Variants in TLK1 observed in about 807,000 individuals in gnomAD.
TLK1 encodes the protein tousled like kinase 1.
TLK1 carries 24 observed loss-of-function variants against 105.3 expected under a neutral mutation model. The observed-to-expected ratio is 0.23, with a 90% confidence interval of 0.17 to 0.32. The LOEUF is 0.32. TLK1 is among the 10% of genes least tolerant of loss of function. The pLI, the probability that TLK1 is intolerant of heterozygous loss-of-function variation, is 1.00. For synonymous variants in TLK1, 321 were observed against 310.4 expected (o/e 1.03, Z -0.36); for missense variants, 558 against 910.5 (o/e 0.61, Z 4.98).
intron 1 of TLK1, among the ~76,000 whole-genome samples, chr2:171,192,438 GGGA>G (rs1250768031): frequency 6.6e-6 from 1 of 152,198 alleles, no homozygotes; most frequent in Non-Finnish European, 1.5e-5. Context: ...CCAGCACTTT[GGGA>G]GGCCGAGGCG....
At chr2:171,206,297 G>A (rs1268607196) in intron 1 of TLK1, among the ~76,000 whole-genome samples, 1 of 152,144 alleles carries the variant, frequency 6.6e-6, no homozygotes, top group African/African-American at 2.4e-5. Context: ...AATAAAATAT[G>A]GCATGCGTTT....
At chr2:171,097,749 T>C (rs1431836204) in intron 2 of TLK1, among the ~76,000 whole-genome samples, 1 of 151,916 alleles carries the variant, frequency 6.6e-6, no homozygotes, top group East Asian at 1.9e-4. Flanking sequence ...CATGGTGAAA[T>C]GACATCTCTA....
At chr2:171,003,273 C>CAAAAAAAAAAAAAAAAA (rs777049271) in intron 18 of TLK1, among the ~76,000 whole-genome samples, 5 of 68,508 alleles carry the variant, frequency 7.3e-5, no homozygotes, top group Admixed American at 4.8e-4. Context: ...GACTCCGTCT[C>CAAAAAAAAAAAAAAAAA]AAAAAAAAAA....
chr2:171,007,330 A>C (rs1310915191), intron 14 of TLK1, among the ~76,000 whole-genome samples: 2 of 152,090 alleles, frequency 1.3e-5, no homozygotes, highest in Non-Finnish European at 1.5e-5. Context: ...ATAAAAATAA[A>C]ACAATAAAGC....
At chr2:171,183,415 G>A (rs1365930534) in intron 1 of TLK1, among the ~76,000 whole-genome samples, 2 of 151,872 alleles carry the variant, frequency 1.3e-5, no homozygotes, top group African/African-American at 4.8e-5. Context: ...TAGTGAAAGA[G>A]GTTTAGCTTT....
chr2:171,013,473 G>A lies in TLK1; in HGVS notation c.1334+1378C>T, dbSNP rs112012371. Among the ~76,000 whole-genome samples, 714 of 151,544 alleles carry A rather than the reference G, an allele frequency of 4.7e-3. 9 individuals are homozygous for A. Among genetic ancestry groups the A allele is most frequent in the African/African-American group, 0.016 (652 of 41,306 alleles). ...GGTGCATGCCACCATTCCCTGCTAAGTTTTGTATTTTTTGTAGAGACAGGG... is the reference window on the plus strand; with the variant it reads ...GGTGCATGCCACCATTCCCTGCTAAATTTTGTATTTTTTGTAGAGACAGGG... On this transcript the variant is annotated intron_variant, in intron 13 of 20. Transcript: ENST00000431350.
intron 1 of TLK1, among the ~76,000 whole-genome samples, chr2:171,123,320 C>T (rs1690736455): frequency 6.6e-6 from 1 of 152,130 alleles, no homozygotes; most frequent in Non-Finnish European, 1.5e-5. Context: ...CCTCAGCCTC[C>T]CAAGTAGCCG....
At chr2:171,012,731 C>T (rs1684980137) in intron 13 of TLK1, among the ~76,000 whole-genome samples, 1 of 152,158 alleles carries the variant, frequency 6.6e-6, no homozygotes, top group African/African-American at 2.4e-5. Context: ...CCTGCCTCGG[C>T]CTCCCAAAGT....
chr2:171,072,041 G>T (rs1178288094), intron 3 of TLK1, among the ~76,000 whole-genome samples: 1 of 152,066 alleles, frequency 6.6e-6, no homozygotes. Flanking sequence ...TGATTCGTCT[G>T]GTTTTGTTCT....
chr2:171,218,827 T>C (rs771555119), intron 1 of TLK1, among the ~76,000 whole-genome samples: 3 of 152,234 alleles, frequency 2.0e-5, no homozygotes, highest in Non-Finnish European at 4.4e-5. Context: ...CTAAAGGCCC[T>C]ACCTCTTAAT....
intron 1 of TLK1, among the ~76,000 whole-genome samples, chr2:171,139,371 G>A (rs1432507871): frequency 6.6e-6 from 1 of 152,026 alleles, no homozygotes; most frequent in African/African-American, 2.4e-5. Flanking sequence ...GCAGGGGCGG[G>A]CAGATCTCCA....
intron 1 of TLK1, among the ~76,000 whole-genome samples, chr2:171,211,393 C>T (rs2105325506): frequency 6.6e-6 from 1 of 152,242 alleles, no homozygotes; most frequent in East Asian, 1.9e-4. Flanking sequence ...GTTGAACTCA[C>T]CTAAGATGCA....
intron 4 of TLK1, chr2:171,060,038 C>T: frequency 6.2e-7 from 1 of 1,605,606 alleles, no homozygotes; most frequent in Admixed American, 1.7e-5. Flanking sequence ...CAAGTTTACT[C>T]CAAAGGAAGG....
At chr2:171,048,197 A>G (rs1185114254) in intron 10 of TLK1, among the ~76,000 whole-genome samples, 3 of 41,480 alleles carry the variant, frequency 7.2e-5, no homozygotes, top group African/African-American at 1.2e-4. Flanking sequence ...GATCCTCCCA[A>G]CTCGGCCTCC....
At chr2:171,201,688 A>G (rs979490516) in intron 1 of TLK1, among the ~76,000 whole-genome samples, 9 of 152,230 alleles carry the variant, frequency 5.9e-5, no homozygotes, top group African/African-American at 2.2e-4. Flanking sequence ...ACAACTCTGA[A>G]GAAATCTCAG....
At chr2:171,104,655 C>T (rs7603460) in intron 2 of TLK1, among the ~76,000 whole-genome samples, 60,007 of 151,894 alleles carry the variant, frequency 0.4, 13,362 homozygotes, top group African/African-American at 0.59. Flanking sequence ...CTTCAAAATA[C>T]ACTACAATGT....
intron 1 of TLK1, among the ~76,000 whole-genome samples, chr2:171,152,622 G>C (rs1387576151): frequency 6.6e-6 from 1 of 151,940 alleles, no homozygotes; most frequent in African/African-American, 2.4e-5. Context: ...TCTTCCCCTT[G>C]CCCATACTGA....
At chr2:171,053,634 TA>T (rs1042526938) in intron 8 of TLK1, 126 bp downstream of exon 8, 3 of 669,324 alleles carry the variant, frequency 4.5e-6, no homozygotes, top group Non-Finnish European at 5.0e-6. Flanking sequence ...GTGCTGGGAT[TA>T]CAGGCATGAG....
intron 2 of TLK1, among the ~76,000 whole-genome samples, chr2:171,088,853 C>G (rs1689097390): frequency 6.6e-6 from 1 of 152,110 alleles, no homozygotes; most frequent in African/African-American, 2.4e-5. Flanking sequence ...TCTGCTCCAC[C>G]AAAAACAAAG....
Sources: allele counts gnomAD v4.1 joint callset (sites outside exome capture counted in the v4.1 genomes callset), GRCh38; gene constraint gnomAD v4.1.1; transcripts MANE v1.5; gene names NCBI Gene and HGNC (gene_info 2026-07-23, HGNC 2026-07-21).